The following CASP10 variants were observed in gnomAD, a reference collection of about 807,000 sequenced individuals.
CASP10 encodes caspase-10.
A neutral mutation model predicts 48.5 loss-of-function variants in CASP10; 41 were observed. The observed-to-expected ratio is 0.85, with a 90% CI of 0.66 to 1.10. The LOEUF (loss-of-function observed/expected upper bound fraction) is 1.10, where lower values mean the gene tolerates loss of function less well. CASP10 is among the 50% of genes least tolerant of loss of function. CASP10 has a pLI of 0.00. For synonymous variants in CASP10, 232 were observed against 238.4 expected, an observed-to-expected ratio of 0.97 and a Z score of 0.25; for missense variants, 614 against 614.5, an observed-to-expected ratio of 1.00 and a Z score of 0.01.
In CASP10 at chr2:201,208,253, T is replaced by G. The variant is rs150160468; in HGVS notation, c.922+70T>G. On this transcript the variant is annotated intron_variant, in intron 8 of 9. Coordinates refer to ENST00000286186, the MANE Select transcript of CASP10 (RefSeq NM_032977.4). ...TAAAATTATTTTTTATTTTCACATT[T>G]TCTTTCTGTGACTTTTATCTTCCAT... 7.1e-6 allele frequency: 11 copies of G among 1,544,974 alleles called. 1 individual carries two copies. Among genetic ancestry groups the G allele is most frequent in the Non-Finnish European group, 8.7e-6 (10 of 1,147,436 alleles).
intron 9 of CASP10, among the ~76,000 whole-genome samples, chr2:201,216,561 T>C (rs1349202249): frequency 6.6e-6 from 1 of 152,028 alleles, no homozygotes; most frequent in Non-Finnish European, 1.5e-5. Context: ...AGGGCCTGCA[T>C]CCCTTCCCTG....
intron 9 of CASP10, among the ~76,000 whole-genome samples, chr2:201,210,639 C>T (rs1945361943): frequency 6.6e-6 from 1 of 152,152 alleles, no homozygotes; most frequent in African/African-American, 2.4e-5. Context: ...TCTTTACCAG[C>T]CCCTCCATTC....
intron 9 of CASP10, among the ~76,000 whole-genome samples, chr2:201,228,147 C>T (rs1427563756): frequency 6.6e-6 from 1 of 152,108 alleles, no homozygotes; most frequent in African/African-American, 2.4e-5. Flanking sequence ...ACCAGCCTGG[C>T]CAACATGGTG....
At chr2:201,222,727 A>G (rs1304483849), downstream of CASP10, among the ~76,000 whole-genome samples, 1 of 152,158 alleles carries the variant, frequency 6.6e-6, no homozygotes, top group African/African-American at 2.4e-5. Flanking sequence ...TATTCCACCT[A>G]TGCCCAGGCG....
At chr2:201,208,395 A>C in intron 8 of CASP10, 4 of 985,104 alleles carry the variant, frequency 4.1e-6, no homozygotes, top group Non-Finnish European at 4.8e-6. Flanking sequence ...AGAGGAGAGC[A>C]TGTACTGGGG....
Position 201,218,639 on chromosome 2 carries a change from A to G in CASP10, c.*898A>G. On this transcript the variant is annotated 3_prime_UTR_variant, in exon 10 of 10. Transcript: ENST00000286186. ...GCATTTTAAGGTTCCTTGGTGTTCA[A>G]AAACCACGTTCTTAGCCTAGATTGA... is the stretch of plus-strand genomic sequence containing the variant. 1.0e-6 allele frequency: 1 copy of G among 985,458 alleles called. No homozygotes were observed. Among genetic ancestry groups the G allele is most frequent in the Non-Finnish European group, 1.2e-6 (1 of 829,972 alleles). The allele number at this position is 985,458 out of a possible 1,614,324, so 61.0% of individuals were successfully genotyped here. A position where few individuals can be genotyped will look rare whatever the true frequency, so the allele number is the denominator to read the frequency against.
rs908439462 is a variant in CASP10 at position 201,203,915 on chromosome 2, A to G, written c.721+149A>G. On this transcript the variant is annotated intron_variant, in intron 6 of 9. Transcript: ENST00000286186. ...TTTTTATTCCAATTCAAGGCAAGAC[A>G]TTGAATGCATGGATTGTACTAGGCT... 32 of 723,294 alleles carry G rather than the reference A, an allele frequency of 4.4e-5. 1 individual carries two copies. The highest frequency in any genetic ancestry group is 6.3e-5 in the Admixed American group (3 of 47,366). 44.8% of individuals were successfully genotyped at this position (723,294 alleles called of 1,614,324 possible). A position where few individuals can be genotyped will look rare whatever the true frequency, so the allele number is the denominator to read the frequency against.
intron 3 of CASP10, among the ~76,000 whole-genome samples, chr2:201,191,124 A>G (rs943164796): frequency 5.3e-5 from 8 of 152,018 alleles, no homozygotes; most frequent in Non-Finnish European, 8.8e-5. Context: ...AGCCTCCCAA[A>G]GTGTTGGGAT....
chr2:201,199,856 G>A (rs575459636), intron 5 of CASP10, among the ~76,000 whole-genome samples: 3 of 152,106 alleles, frequency 2.0e-5, no homozygotes, highest in Non-Finnish European at 4.4e-5. Context: ...TTACAGGCGT[G>A]AGCCACCATG....
At chr2:201,216,242 A>G (rs1044478891) in intron 9 of CASP10, among the ~76,000 whole-genome samples, 2 of 151,678 alleles carry the variant, frequency 1.3e-5, no homozygotes, top group African/African-American at 4.8e-5. Context: ...GGTGGCATGC[A>G]CCTGTAGTCC....
At chr2:201,198,845 T>C (rs1165677855) in intron 5 of CASP10, among the ~76,000 whole-genome samples, 1 of 152,314 alleles carries the variant, frequency 6.6e-6, no homozygotes, top group East Asian at 1.9e-4. Context: ...CGGCCTATAT[T>C]TTATTCTTAA....
Position 201,220,768 on chromosome 2 carries a change from G to T in CASP10, c.*3027G>T, listed in dbSNP as rs1041567394. 3.0e-5 allele frequency: 30 copies of T among 985,178 alleles called. No homozygotes were observed. The highest frequency in any genetic ancestry group is 3.6e-5 in the Non-Finnish European group (30 of 829,930). 61.0% of individuals were successfully genotyped at this position (985,178 alleles called of 1,614,324 possible). A position where few individuals can be genotyped will look rare whatever the true frequency, so the allele number is the denominator to read the frequency against. On this transcript the variant is annotated 3_prime_UTR_variant, in exon 10 of 10. Coordinates refer to ENST00000286186, the MANE Select transcript of CASP10 (RefSeq NM_032977.4). Reference sequence around the variant, plus strand: ...TGTGTCAGGATGATCTCCCAAAACCGTGTTCATAACAGTCAGGGCCAAAAG... The same window carrying T: ...TGTGTCAGGATGATCTCCCAAAACCTTGTTCATAACAGTCAGGGCCAAAAG...
In CASP10 at chr2:201,207,851, C is replaced by T. The variant is rs41324644; in HGVS notation, c.814-224C>T. On this transcript the variant is annotated intron_variant, in intron 7 of 9. Transcript: ENST00000286186. ...GGCAGAGGTTGCAGTGAGCCGAGAT[C>T]GCGTCACTCACTCCAGCCTGGGCAA... is the stretch of plus-strand genomic sequence containing the variant. Among the ~76,000 whole-genome samples, 1,688 of 151,932 alleles carry T rather than the reference C, an allele frequency of 0.011. 20 individuals carry two copies. Among genetic ancestry groups the T allele is most frequent in the South Asian group, 0.016 (78 of 4,804 alleles).
chr2:201,198,255 A>C (rs1442861949), intron 5 of CASP10, among the ~76,000 whole-genome samples: 2 of 140,192 alleles, frequency 1.4e-5, no homozygotes, highest in African/African-American at 2.7e-5. Context: ...ACGGAGTCTC[A>C]CTCTGTCGCC....
Position 201,209,595 on chromosome 2 carries a change from T to G in CASP10, c.1415+33T>G, listed in dbSNP as rs188971325. The G allele has an allele frequency of 1.9e-5, 30 of 1,579,258 alleles. No homozygotes were observed. In the African/African-American group the frequency reaches 4.0e-4, roughly 21 times the overall value. On this transcript the variant is annotated intron_variant, in intron 9 of 9. Transcript: ENST00000286186. ...CTCTTTTTTTTCTTCCATTTGTAAT[T>G]AATTAGTTTTATTTATTTTTTATTT...
chr2:201,191,819 C>T (rs978375862), intron 3 of CASP10, among the ~76,000 whole-genome samples: 2 of 152,148 alleles, frequency 1.3e-5, no homozygotes, highest in African/African-American at 4.8e-5. Flanking sequence ...GTCAGGAAAT[C>T]CGTTCTCAGC....
intron 1 of CASP10, among the ~76,000 whole-genome samples, chr2:201,184,829 GTTT>G (rs898983554): frequency 6.7e-6 from 1 of 150,042 alleles, no homozygotes; most frequent in Non-Finnish European, 1.5e-5. Flanking sequence ...CATGTAATTT[GTTT>G]TTTTTTAGTG....
intron 9 of CASP10, 57 bp downstream of exon 9, chr2:201,209,619 T>C: frequency 6.6e-7 from 1 of 1,521,536 alleles, no homozygotes; most frequent in Middle Eastern, 2.3e-4. Flanking sequence ...TATTTTTTAT[T>C]TTACTCTCAT....
At chr2:201,189,270 ATTTT>A (rs35733718) in intron 3 of CASP10, among the ~76,000 whole-genome samples, 2 of 121,594 alleles carry the variant, frequency 1.6e-5, no homozygotes, top group African/African-American at 3.0e-5. Context: ...TCTTTCAGTT[ATTTT>A]TTTTTTTTTT....
Sources: allele counts gnomAD v4.1 joint callset (sites outside exome capture counted in the v4.1 genomes callset), GRCh38; gene constraint gnomAD v4.1.1; transcripts MANE v1.5; gene names NCBI Gene and HGNC (gene_info 2026-07-23, HGNC 2026-07-21).